RSPO2: variants seen among roughly 807,000 people sequenced by gnomAD.
RSPO2 encodes R-spondin-2.
RSPO2 carries 14 observed loss-of-function variants against 30.9 expected under a neutral mutation model. That is an observed-to-expected ratio of 0.45 (90% confidence interval 0.30 to 0.71). RSPO2 has a LOEUF of 0.71. Ranked by LOEUF, RSPO2 falls within the 30% of genes least tolerant of loss-of-function variation. The probability of loss-of-function intolerance (pLI) is 0.08; values close to 1 mark genes in which losing one functional copy is unlikely to be tolerated. For synonymous variants in RSPO2, 107 were observed against 96.4 expected (o/e 1.11, Z -0.64); for missense variants, 264 against 301.9 (o/e 0.87, Z 0.93).
At chr8:108,025,981 G>C (rs1329555458) in intron 2 of RSPO2, among the ~76,000 whole-genome samples, 1 of 152,122 alleles carries the variant, frequency 6.6e-6, no homozygotes, top group African/African-American at 2.4e-5. Flanking sequence ...TCATATCAAA[G>C]TATCTCCCAC....
intron 5 of RSPO2, among the ~76,000 whole-genome samples, chr8:107,930,983 G>A (rs966419688): frequency 2.0e-5 from 3 of 152,106 alleles, no homozygotes; most frequent in Admixed American, 6.6e-5. Context: ...ACCAAACTGT[G>A]CTAATTTGTT....
chr8:108,003,311 A>ATAT (rs1815340187), intron 2 of RSPO2, among the ~76,000 whole-genome samples: 2 of 29,036 alleles, frequency 6.9e-5, no homozygotes, highest in Non-Finnish European at 1.2e-4. Context: ...ATATATATAT[A>ATAT]TTTTTTTTTT....
Position 107,934,924 on chromosome 8 carries a change from T to C in RSPO2, c.616+23156A>G, listed in dbSNP as rs4463393. Among the ~76,000 whole-genome samples the C allele has an allele frequency of 7.6e-3, 1,164 of 152,306 alleles. 12 individuals carry two copies. Among genetic ancestry groups the C allele is most frequent in the Middle Eastern group, 0.024 (7 of 294 alleles). ...TCTTAATCCCATCATCTTCATAAGC[T>C]GAGGATGTATGTTGCCTCAGAACCC... On this transcript the variant is annotated intron_variant, in intron 5 of 5. Coordinates refer to ENST00000276659, the MANE Select transcript of RSPO2 (RefSeq NM_178565.5).
At chr8:107,948,297 T>C (rs527614020) in intron 5 of RSPO2, among the ~76,000 whole-genome samples, 1 of 152,252 alleles carries the variant, frequency 6.6e-6, no homozygotes, top group Admixed American at 6.5e-5. Flanking sequence ...GACACGGCAA[T>C]AGAAAAATGA....
chr8:107,956,943 C>T (rs1015447904), intron 5 of RSPO2, among the ~76,000 whole-genome samples: 3 of 152,000 alleles, frequency 2.0e-5, no homozygotes, highest in Admixed American at 6.6e-5. Context: ...AAAAGCAGAC[C>T]TAAAAAAACT....
intron 5 of RSPO2, among the ~76,000 whole-genome samples, chr8:107,955,223 A>G (rs1050202357): frequency 2.0e-5 from 3 of 152,176 alleles, no homozygotes; most frequent in African/African-American, 7.2e-5. Flanking sequence ...ACTTTTGGCA[A>G]TTAATCCTAG....
intron 5 of RSPO2, among the ~76,000 whole-genome samples, chr8:107,928,833 T>C (rs2130337726): frequency 6.6e-6 from 1 of 152,336 alleles, no homozygotes; most frequent in South Asian, 2.1e-4. Context: ...AGTAAAAGTT[T>C]AGTCCGGTTC....
At chr8:108,040,341 T>C (rs1811715537) in intron 2 of RSPO2, among the ~76,000 whole-genome samples, 1 of 152,086 alleles carries the variant, frequency 6.6e-6, no homozygotes, top group Admixed American at 6.6e-5. Context: ...TGAAGGCATC[T>C]AGACTGGGTC....
At chr8:107,982,695 G>C (rs957987572) in intron 3 of RSPO2, among the ~76,000 whole-genome samples, 4 of 151,946 alleles carry the variant, frequency 2.6e-5, no homozygotes, top group Admixed American at 1.3e-4. Flanking sequence ...TCAGAATAGC[G>C]ACCCAACAAA....
chr8:108,082,501 C>T, intron 2 of RSPO2, 44 bp downstream of exon 2: 3 of 1,500,026 alleles, frequency 2.0e-6, no homozygotes, highest in Non-Finnish European at 2.8e-6. Flanking sequence ...CTCCACACGC[C>T]ACCCCTGAAG....
chr8:107,988,042 A>G (rs1464831801), intron 3 of RSPO2, among the ~76,000 whole-genome samples: 1 of 152,000 alleles, frequency 6.6e-6, no homozygotes, highest in African/African-American at 2.4e-5. Flanking sequence ...CTAAAATTTG[A>G]GTTCCTTAAA....
chr8:108,038,721 T>TTA (rs1289976412), intron 2 of RSPO2, among the ~76,000 whole-genome samples: 3 of 151,980 alleles, frequency 2.0e-5, no homozygotes, highest in Non-Finnish European at 4.4e-5. Context: ...AGCAAACAGA[T>TTA]TATGATTCAG....
At chr8:107,974,615 T>C (rs1174982447) in intron 3 of RSPO2, among the ~76,000 whole-genome samples, 1 of 152,174 alleles carries the variant, frequency 6.6e-6, no homozygotes, top group Admixed American at 6.5e-5. Context: ...TGAGTAATTA[T>C]GTGACTTTGG....
intron 5 of RSPO2, among the ~76,000 whole-genome samples, chr8:107,939,857 A>T (rs1326242135): frequency 6.6e-6 from 1 of 152,092 alleles, no homozygotes; most frequent in Non-Finnish European, 1.5e-5. Flanking sequence ...ATTTTAGCTA[A>T]GTGTGGTTTA....
At chr8:107,962,961 T>G (rs1295342851) in intron 3 of RSPO2, among the ~76,000 whole-genome samples, 1 of 152,198 alleles carries the variant, frequency 6.6e-6, no homozygotes, top group Non-Finnish European at 1.5e-5. Context: ...CCTTTGCTGA[T>G]CTTTATTGTT....
At chr8:107,929,357 A>T (rs942547665) in intron 5 of RSPO2, among the ~76,000 whole-genome samples, 1 of 152,214 alleles carries the variant, frequency 6.6e-6, no homozygotes, top group Non-Finnish European at 1.5e-5. Flanking sequence ...GTTTACCAAA[A>T]AGAAATTACA....
At chr8:108,056,446 C>A (rs369969890) in intron 2 of RSPO2, among the ~76,000 whole-genome samples, 12 of 142,000 alleles carry the variant, frequency 8.5e-5, no homozygotes, top group Non-Finnish European at 1.5e-4. Context: ...TGGCAAAACC[C>A]CATCTCTATA....
intron 5 of RSPO2, among the ~76,000 whole-genome samples, chr8:107,941,683 T>C (rs1812901665): frequency 6.6e-6 from 1 of 152,250 alleles, no homozygotes; most frequent in Non-Finnish European, 1.5e-5. Flanking sequence ...GCTTATTCTG[T>C]TCTGTTCACA....
intron 2 of RSPO2, among the ~76,000 whole-genome samples, chr8:107,995,715 A>C (rs1188386149): frequency 6.6e-6 from 1 of 152,070 alleles, no homozygotes; most frequent in Non-Finnish European, 1.5e-5. Context: ...TTCTATGATA[A>C]TATCTTCTCC....
Sources: gnomAD v4.1 joint callset for allele counts (sites outside exome capture counted in the v4.1 genomes callset) on GRCh38, gnomAD v4.1.1 for gene constraint, MANE v1.5 for transcripts, NCBI Gene and HGNC (gene_info 2026-07-23, HGNC 2026-07-21) for gene names.